The following B4GALNT3 variants were observed in gnomAD, a reference collection of about 807,000 sequenced individuals.
B4GALNT3 encodes beta-1,4-N-acetyl-galactosaminyltransferase 3, also known as beta-1,4-N-acetylgalactosaminyltransferase 3.
In B4GALNT3, 86 loss-of-function variants were observed where a neutral mutation model predicts 120.2. The ratio of observed to expected loss-of-function variants is 0.72; its 90% CI spans 0.60 to 0.86. B4GALNT3 has a LOEUF of 0.86. B4GALNT3 is among the 40% of genes least tolerant of loss of function. The pLI is 0.00. For missense variants in B4GALNT3, 1,167 were observed against 1,298.9 expected, an observed-to-expected ratio of 0.90 and a Z score of 1.56; for synonymous variants, 518 against 510.4, an observed-to-expected ratio of 1.01 and a Z score of -0.20.
At chr12:560,794 G>A (rs771848464) in intron 19 of B4GALNT3, among the ~76,000 whole-genome samples, 29 of 152,140 alleles carry the variant, frequency 1.9e-4, no homozygotes, top group East Asian at 3.9e-4. Context: ...CATCCAGTTC[G>A]GCCACTCTCA....
chr12:504,253 C>G (rs1828546870), intron 1 of B4GALNT3, among the ~76,000 whole-genome samples: 2 of 149,848 alleles, frequency 1.3e-5, no homozygotes, highest in Non-Finnish European at 3.0e-5. Flanking sequence ...TGCACTCCAG[C>G]CTGGGCAACA....
chr12:512,605 C>G (rs1435699370), intron 1 of B4GALNT3, among the ~76,000 whole-genome samples: 44 of 144,832 alleles, frequency 3.0e-4, no homozygotes, highest in Admixed American at 2.9e-3. Flanking sequence ...TTCCACCTTC[C>G]ACCTTCCACC....
intron 1 of B4GALNT3, among the ~76,000 whole-genome samples, chr12:505,677 A>G (rs765526349): frequency 2.6e-5 from 4 of 152,164 alleles, no homozygotes; most frequent in Non-Finnish European, 5.9e-5. Context: ...GCCACACTTC[A>G]TTGTCATGGG....
At chr12:552,391 G>C in intron 12 of B4GALNT3, 76 bp from the exon 13 acceptor site, 1 of 1,467,158 alleles carries the variant, frequency 6.8e-7, no homozygotes. Flanking sequence ...TCAGACTCCT[G>C]CTGAGACTTC....
Position 552,031 on chromosome 12 carries a change from C to G in B4GALNT3, c.1108-32C>G, listed in dbSNP as rs78631466. On this transcript the variant is annotated intron_variant, in intron 11 of 19. Transcript: ENST00000266383. ...TGATTTCTTACCAAGATCTCACTCT[C>G]TTACTCCTGCTGCTGATTTTTCCAC... 1,729 of 1,491,550 alleles carry G rather than the reference C, an allele frequency of 1.2e-3. 18 individuals are homozygous for G. The African/African-American group carries it at 0.02, about 17-fold the overall frequency. The allele number at this position is 1,491,550 out of a possible 1,614,324, so 92.4% of individuals were successfully genotyped here.
chr12:545,774 G>A (rs1388045637), intron 6 of B4GALNT3, among the ~76,000 whole-genome samples: 2 of 125,228 alleles, frequency 1.6e-5, no homozygotes, highest in Non-Finnish European at 3.3e-5. Context: ...GAGGTGAGAG[G>A]AGTGGGGAGG....
chr12:502,157 G>A (rs1946449803), intron 1 of B4GALNT3, among the ~76,000 whole-genome samples: 1 of 152,216 alleles, frequency 6.6e-6, no homozygotes, highest in Non-Finnish European at 1.5e-5. Context: ...GCCTTCCCAG[G>A]AGGTGGAGAT....
chr12:488,055 A>G (rs1049378114), intron 1 of B4GALNT3, among the ~76,000 whole-genome samples: 4 of 151,740 alleles, frequency 2.6e-5, no homozygotes, highest in Non-Finnish European at 4.4e-5. Flanking sequence ...GAAACCGGGT[A>G]TGGGCCAGTA....
intron 15 of B4GALNT3, 53 bp from the exon 16 acceptor site, chr12:557,555 G>T: frequency 1.9e-6 from 3 of 1,563,916 alleles, no homozygotes; most frequent in Non-Finnish European, 2.6e-6. Context: ...GCGCTCATCC[G>T]CTCATCTTTG....
In B4GALNT3 at chr12:548,461, A is replaced by T. The variant is rs1947035524; in HGVS notation, c.853+164A>T. ...ACAAGAGTGGGACCTTATGACCAGG[A>T]GTCCTTAACTCCCCAGGGTCAGTGA... is the stretch of plus-strand genomic sequence containing the variant. On this transcript the variant is annotated intron_variant, in intron 9 of 19. Coordinates refer to ENST00000266383, the MANE Select transcript of B4GALNT3 (RefSeq NM_173593.4). This position sits in a 1 kb window ranked among gnomAD's most constrained non-coding sequence, Gnocchi z 4.9. Among the ~76,000 whole-genome samples the T allele has an allele frequency of 6.6e-6, 1 of 152,152 alleles. No homozygotes were observed. The highest frequency in any genetic ancestry group is 2.1e-4 in the South Asian group (1 of 4,836).
intron 1 of B4GALNT3, among the ~76,000 whole-genome samples, chr12:502,677 A>G (rs1438877932): frequency 6.6e-6 from 1 of 152,232 alleles, no homozygotes; most frequent in Non-Finnish European, 1.5e-5. Context: ...AGATTTGCAG[A>G]GGGTAGCGAC....
At chr12:497,495 T>G (rs1043864409) in intron 1 of B4GALNT3, among the ~76,000 whole-genome samples, 5 of 152,236 alleles carry the variant, frequency 3.3e-5, no homozygotes, top group Admixed American at 3.3e-4. Context: ...ATATGCCACG[T>G]TTTGTTCACC....
chr12:524,187 T>C (rs1378527246), intron 1 of B4GALNT3, among the ~76,000 whole-genome samples: 4 of 152,224 alleles, frequency 2.6e-5, no homozygotes, highest in African/African-American at 9.6e-5. Context: ...TGATGTTTCA[T>C]GGGGAGCAGG....
At position 478,274 on chromosome 12, in the gene B4GALNT3, T is replaced by TAAA. The variant is rs1565589174; in HGVS notation, c.169+17730_169+17731insAAA. Among the ~76,000 whole-genome samples, 5 of 43,508 alleles carry TAAA rather than the reference T, an allele frequency of 1.1e-4. 1 individual carries two copies. Among genetic ancestry groups the TAAA allele is most frequent in the African/African-American group, 1.2e-4 (1 of 8,558 alleles). 28.5% of individuals were successfully genotyped at this position (43,508 alleles called of 152,430 possible). ...TTAAAAAAAAAAAAAAAAAAAAAAT[T>TAAA]AGAGGAGGTAAAAAAAAAAAAAATA... On this transcript the variant is annotated intron_variant, in intron 1 of 19. Transcript: ENST00000266383.
chr12:487,115 A>G (rs1195970237), intron 1 of B4GALNT3, among the ~76,000 whole-genome samples: 4 of 152,240 alleles, frequency 2.6e-5, no homozygotes, highest in Non-Finnish European at 4.4e-5. Context: ...GCTTTAGGAT[A>G]TGACGACATA....
intron 1 of B4GALNT3, among the ~76,000 whole-genome samples, chr12:502,081 G>C (rs1946449256): frequency 6.6e-6 from 1 of 152,222 alleles, no homozygotes; most frequent in South Asian, 2.1e-4. Context: ...CAGGACAGGG[G>C]AGAACAAGCC....
At chr12:513,845 TC>T (rs1434493577) in intron 1 of B4GALNT3, among the ~76,000 whole-genome samples, 2 of 152,254 alleles carry the variant, frequency 1.3e-5, no homozygotes, top group Non-Finnish European at 2.9e-5. Context: ...GACCTCAGTT[TC>T]CCAAAGCATG....
chr12:526,728 A>G (rs1344820342), intron 1 of B4GALNT3, among the ~76,000 whole-genome samples: 1 of 152,042 alleles, frequency 6.6e-6, no homozygotes, highest in Non-Finnish European at 1.5e-5. Flanking sequence ...CTTAGAGGTG[A>G]CCCCATGGCC....
At chr12:511,627 A>AGCTTCCACCTTCCGCCTTCCG (rs1946563503) in intron 1 of B4GALNT3, among the ~76,000 whole-genome samples, 10 of 39,728 alleles carry the variant, frequency 2.5e-4, no homozygotes, top group Non-Finnish European at 3.3e-4. Flanking sequence ...TCCACCTTCG[A>AGCTTCCACCTTCCGCCTTCCG]CCTTCCACCT....
Sources: gnomAD v4.1 joint callset for allele counts (sites outside exome capture counted in the v4.1 genomes callset) on GRCh38, gnomAD v4.1.1 for gene constraint, Gnocchi (gnomAD v3.1) non-coding constraint, MANE v1.5 for transcripts, NCBI Gene and HGNC (gene_info 2026-07-23, HGNC 2026-07-21) for gene names.